The following HECW1 variants were observed in gnomAD, a reference collection of about 807,000 sequenced individuals.
HECW1 encodes E3 ubiquitin-protein ligase HECW1.
A neutral mutation model predicts 182.3 loss-of-function variants in HECW1; 61 were observed. The observed-to-expected ratio is 0.33, with a 90% CI of 0.27 to 0.41. The LOEUF is 0.41. Among genes scored for constraint, HECW1 ranks in the 10% least tolerant of loss-of-function variants. HECW1 has a pLI of 1.00. For missense variants in HECW1, 1,739 were observed against 2,108.9 expected, an observed-to-expected ratio of 0.82 and a Z score of 3.44; for synonymous variants, 859 against 832.6, an observed-to-expected ratio of 1.03 and a Z score of -0.55.
chr7:43,188,029 T>C (rs1793569210), intron 2 of HECW1, among the ~76,000 whole-genome samples: 1 of 152,186 alleles, frequency 6.6e-6, no homozygotes, highest in African/African-American at 2.4e-5. Context: ...GAAGGACTAA[T>C]TCCAGCACAA....
At chr7:43,150,090 G>T (rs1393130295) in intron 2 of HECW1, among the ~76,000 whole-genome samples, 1 of 152,064 alleles carries the variant, frequency 6.6e-6, no homozygotes, top group Non-Finnish European at 1.5e-5. Context: ...TGTACTTACT[G>T]CAAATCAGGC....
chr7:43,545,453 G>T lies in HECW1; in HGVS notation c.4248+3455G>T, dbSNP rs536090113. 2.6e-4 allele frequency among the ~76,000 whole-genome samples: 39 copies of T among 152,278 alleles called. 1 individual carries two copies. In the Middle Eastern group the frequency reaches 0.02, roughly 80 times the overall value. ...GTGCTAAAAATAAGAATGTGTTGTAGATCTATAATAATGTACAGTTGACCC... is the reference window on the plus strand; with the variant it reads ...GTGCTAAAAATAAGAATGTGTTGTATATCTATAATAATGTACAGTTGACCC... On this transcript the variant is annotated intron_variant, in intron 26 of 29. Coordinates refer to ENST00000395891, the MANE Select transcript of HECW1 (RefSeq NM_015052.5).
intron 2 of HECW1, among the ~76,000 whole-genome samples, chr7:43,159,161 A>AT (rs1232528321): frequency 1.0e-4 from 15 of 142,972 alleles, no homozygotes; most frequent in East Asian, 4.2e-4. Context: ...TTATTTTTCA[A>AT]TTTTTTTACC....
At chr7:43,251,964 A>G (rs1237851925) in intron 3 of HECW1, among the ~76,000 whole-genome samples, 1 of 152,176 alleles carries the variant, frequency 6.6e-6, no homozygotes, top group Non-Finnish European at 1.5e-5. Flanking sequence ...GGGGGGGTAC[A>G]TTCCACGGGG....
chr7:43,166,237 C>A (rs1234637366), intron 2 of HECW1, among the ~76,000 whole-genome samples: 1 of 152,200 alleles, frequency 6.6e-6, no homozygotes, highest in Non-Finnish European at 1.5e-5. Context: ...GCACCCACCA[C>A]CACAGCCAGC....
chr7:43,306,652 C>T (rs1355614534), intron 3 of HECW1, among the ~76,000 whole-genome samples: 3 of 152,092 alleles, frequency 2.0e-5, no homozygotes, highest in African/African-American at 7.2e-5. Flanking sequence ...CTATTATAGA[C>T]ATGCCTTTGT....
At chr7:43,247,419 G>T (rs6975053) in intron 3 of HECW1, among the ~76,000 whole-genome samples, 1 of 151,964 alleles carries the variant, frequency 6.6e-6, no homozygotes, top group Admixed American at 6.5e-5. Flanking sequence ...GGGGGATAGC[G>T]GGAGGATAGC....
intron 2 of HECW1, among the ~76,000 whole-genome samples, chr7:43,121,240 A>G (rs745518583): frequency 6.6e-6 from 1 of 152,126 alleles, no homozygotes; most frequent in Non-Finnish European, 1.5e-5. Flanking sequence ...GTTGAGTTGA[A>G]TCACTTAGTT....
chr7:43,134,610 A>G (rs996130943), intron 2 of HECW1, among the ~76,000 whole-genome samples: 7 of 152,046 alleles, frequency 4.6e-5, no homozygotes, highest in African/African-American at 9.7e-5. Flanking sequence ...GGCTCAAGCA[A>G]TCCTCCTGCC....
At chr7:43,279,899 C>T (rs1803670927) in intron 3 of HECW1, among the ~76,000 whole-genome samples, 1 of 152,196 alleles carries the variant, frequency 6.6e-6, no homozygotes, top group Non-Finnish European at 1.5e-5. Flanking sequence ...GTGGGCCTTT[C>T]CCCTTGGTCA....
intron 16 of HECW1, among the ~76,000 whole-genome samples, chr7:43,478,476 G>A (rs2078299309): frequency 6.6e-6 from 1 of 152,072 alleles, no homozygotes. Flanking sequence ...AAAGTCAAAT[G>A]TCTAACAATT....
intron 2 of HECW1, among the ~76,000 whole-genome samples, chr7:43,177,312 G>A (rs1792360427): frequency 6.6e-6 from 1 of 151,990 alleles, no homozygotes; most frequent in African/African-American, 2.4e-5. Flanking sequence ...TTGGTGGTGG[G>A]GCCTTCCACA....
At chr7:43,522,993 T>C (rs2080568081) in intron 24 of HECW1, 4 of 438,216 alleles carry the variant, frequency 9.1e-6, no homozygotes, top group South Asian at 6.7e-5. Flanking sequence ...CAAAGGTAGT[T>C]CTGCTTGTTT....
chr7:43,515,566 C>A (rs924394501), intron 24 of HECW1, among the ~76,000 whole-genome samples: 1 of 152,128 alleles, frequency 6.6e-6, no homozygotes, highest in Non-Finnish European at 1.5e-5. Flanking sequence ...ATATGACAGG[C>A]TAAATAGCTT....
intron 2 of HECW1, among the ~76,000 whole-genome samples, chr7:43,167,378 C>A (rs962214333): frequency 2.0e-5 from 3 of 152,186 alleles, no homozygotes; most frequent in Non-Finnish European, 1.5e-5. Context: ...GATTTTATCT[C>A]AAGATCCTTG....
intron 29 of HECW1, among the ~76,000 whole-genome samples, chr7:43,555,252 G>C: frequency 6.6e-6 from 1 of 152,096 alleles, no homozygotes; most frequent in Non-Finnish European, 1.5e-5. Flanking sequence ...AGAACATGTG[G>C]GGATACATGT....
intron 2 of HECW1, chr7:43,148,773 C>G (rs1788982593): frequency 6.6e-6 from 1 of 151,778 alleles, no homozygotes; most frequent in Admixed American, 6.6e-5. Flanking sequence ...ACTAAAGTGA[C>G]TTTTGAAGAA....
rs1198682795 is a variant in HECW1 at position 43,326,369 on chromosome 7, G to A, written c.460+5627G>A. 2.6e-5 allele frequency among the ~76,000 whole-genome samples: 4 copies of A among 152,240 alleles called. No homozygotes were observed. The South Asian group carries it at 6.2e-4, about 24-fold the overall frequency. On this transcript the variant is annotated intron_variant, in intron 5 of 29. Transcript: ENST00000395891. ...CTCCTCACTCTGGGCTTCAGCCAGT[G>A]GCTTCTAAGCCAGAGGCAGCATGAT... is the stretch of plus-strand genomic sequence containing the variant.
chr7:43,448,043 G>C (rs987120225), intron 11 of HECW1, among the ~76,000 whole-genome samples: 1 of 152,054 alleles, frequency 6.6e-6, no homozygotes, highest in African/African-American at 2.4e-5. Flanking sequence ...GCTGAGGCAG[G>C]AGAATCACTT....
Sources: allele counts gnomAD v4.1 joint callset (sites outside exome capture counted in the v4.1 genomes callset), GRCh38; gene constraint gnomAD v4.1.1; transcripts MANE v1.5; gene names NCBI Gene and HGNC (gene_info 2026-07-23, HGNC 2026-07-21).